The following CEP120 variants were observed in gnomAD, a reference collection of about 807,000 sequenced individuals.
CEP120 encodes centrosomal protein of 120 kDa.
Under a neutral mutation model 126.5 loss-of-function variants are expected in CEP120, and 113 were observed. The ratio of observed to expected loss-of-function variants is 0.89; its 90% CI spans 0.77 to 1.04. CEP120 has a LOEUF of 1.04. Among genes scored for constraint, CEP120 ranks in the 50% least tolerant of loss-of-function variants. The probability of loss-of-function intolerance (pLI) is 0.00; values close to 1 mark genes in which losing one functional copy is unlikely to be tolerated. For missense variants in CEP120, 1,230 were observed against 1,155.7 expected, an observed-to-expected ratio of 1.06 and a Z score of -0.93; for synonymous variants, 400 against 394.3, an observed-to-expected ratio of 1.01 and a Z score of -0.17.
At chr5:123,394,798 A>T (rs979448028) in intron 5 of CEP120, among the ~76,000 whole-genome samples, 3 of 152,258 alleles carry the variant, frequency 2.0e-5, no homozygotes, top group African/African-American at 7.2e-5. Flanking sequence ...AGGAGCACCT[A>T]TGCACTTATA....
chr5:123,357,217 TC>T (rs1769700626), intron 18 of CEP120, among the ~76,000 whole-genome samples: 1 of 152,148 alleles, frequency 6.6e-6, no homozygotes, highest in Non-Finnish European at 1.5e-5. Context: ...TTAAGGTTTT[TC>T]TTTGCTTTTT....
At chr5:123,385,713 C>G (rs1314379537) in intron 10 of CEP120, among the ~76,000 whole-genome samples, 1 of 151,558 alleles carries the variant, frequency 6.6e-6, no homozygotes, top group African/African-American at 2.4e-5. Context: ...ACCTCCTGGG[C>G]TCAAGTGATC....
intron 5 of CEP120, among the ~76,000 whole-genome samples, chr5:123,396,141 T>C (rs1417378719): frequency 2.0e-5 from 3 of 152,144 alleles, no homozygotes; most frequent in African/African-American, 7.2e-5. Flanking sequence ...AGGTAGTACT[T>C]TGATAGCTAA....
chr5:123,400,656 T>C (rs1344478835), intron 4 of CEP120, among the ~76,000 whole-genome samples: 4 of 128,802 alleles, frequency 3.1e-5, no homozygotes, highest in Non-Finnish European at 6.5e-5. Context: ...CATATATATA[T>C]GGCTTTTTTT....
intron 17 of CEP120, among the ~76,000 whole-genome samples, chr5:123,370,326 G>T (rs1407036625): frequency 6.6e-6 from 1 of 151,910 alleles, no homozygotes; most frequent in East Asian, 1.9e-4. Flanking sequence ...TTAAATAAAA[G>T]ATTTTGAAGC....
At chr5:123,368,095 C>CAGT (rs1770595013) in intron 17 of CEP120, among the ~76,000 whole-genome samples, 1 of 151,924 alleles carries the variant, frequency 6.6e-6, no homozygotes, top group South Asian at 2.1e-4. Context: ...GGCAAACTCA[C>CAGT]AGTACTGCTT....
At chr5:123,378,783 A>C (rs2162826) in intron 14 of CEP120, among the ~76,000 whole-genome samples, 36,024 of 151,932 alleles carry the variant, frequency 0.24, 4,313 homozygotes, top group East Asian at 0.33. Context: ...GTAAGCAACT[A>C]AATAGCCAAG....
chr5:123,403,547 A>C, intron 4 of CEP120: 1 of 326,256 alleles, frequency 3.1e-6, no homozygotes, highest in Non-Finnish European at 5.9e-6. Flanking sequence ...GAATATATTC[A>C]TAATTTCACA....
intron 5 of CEP120, among the ~76,000 whole-genome samples, chr5:123,394,055 T>A (rs1434364414): frequency 6.6e-6 from 1 of 152,242 alleles, no homozygotes; most frequent in Non-Finnish European, 1.5e-5. Flanking sequence ...GCTAGTTTCA[T>A]GGCTACATAT....
intron 4 of CEP120, chr5:123,403,178 G>A (rs1562077735): frequency 2.3e-6 from 1 of 426,156 alleles, no homozygotes; most frequent in South Asian, 1.7e-5. Context: ...CTACTGAAAG[G>A]GCCTGGGAAC....
At chr5:123,359,188 T>A (rs1309981630) in intron 18 of CEP120, among the ~76,000 whole-genome samples, 1 of 152,068 alleles carries the variant, frequency 6.6e-6, no homozygotes, top group Admixed American at 6.6e-5. Context: ...TAACTAAATA[T>A]ATCAGCTCAG....
chr5:123,418,365 T>G lies in CEP120; in HGVS notation c.200A>C (p.Gln67Pro). Residue 67 changes from glutamine to proline, a missense_variant, in exon 2 of 20, where the codon CAG (glutamine) becomes CCG (proline). Gln to Pro is a moderately conservative substitution (Grantham distance 76, BLOSUM62 -1). Transcript: ENST00000306467. ...AAATGAAAATGATAATCACCTGTGC[T>G]GATGAAGCGCTTTCCTGTCAATTTC... is the stretch of plus-strand genomic sequence containing the variant. ...AWEIDRKALH[Q>P]HRLQRTPIKL... 1 of 1,599,098 alleles carries G rather than the reference T, an allele frequency of 6.3e-7. No individual in the cohort carries two copies. Among genetic ancestry groups the G allele is most frequent in the Non-Finnish European group, 8.5e-7 (1 of 1,171,598 alleles).
rs1165565582 is a variant in CEP120 at position 123,422,959 on chromosome 5, T to C, written c.40A>G (p.Ile14Val). Reference sequence around the variant, plus strand: ...GCCTCAGGCTGCTCACCTTCTAGGATGGACACGACGATGAGCAATTGGTCG... The same window carrying C: ...GCCTCAGGCTGCTCACCTTCTAGGACGGACACGACGATGAGCAATTGGTCG... ...KSDQLLIVVS[I>V]LEGRHFPKRP... Residue 14 changes from isoleucine to valine, a missense_variant, in exon 1 of 20, where the codon ATC becomes GTC. Physicochemically the swap from Ile to Val is conservative, Grantham distance 29. Coordinates refer to ENST00000306467, the MANE Select transcript of CEP120 (RefSeq NM_001375405.1). 3 of 1,614,128 alleles carry C rather than the reference T, an allele frequency of 1.9e-6. No homozygotes were observed. In the East Asian group the frequency reaches 6.7e-5, roughly 36 times the overall value.
chr5:123,354,185 A>G (rs546346094), intron 18 of CEP120, among the ~76,000 whole-genome samples: 14 of 152,226 alleles, frequency 9.2e-5, no homozygotes, highest in African/African-American at 2.9e-4. Flanking sequence ...TACGAGAAGT[A>G]TACTACTTAA....
chr5:123,353,830 A>G (rs1769375938), intron 18 of CEP120, among the ~76,000 whole-genome samples: 1 of 151,928 alleles, frequency 6.6e-6, no homozygotes. Context: ...ATGGGTAGTT[A>G]CTGTCTATTC....
chr5:123,374,624 T>C (rs1476844786), intron 16 of CEP120, among the ~76,000 whole-genome samples: 4 of 151,950 alleles, frequency 2.6e-5, no homozygotes. Flanking sequence ...ACTAAGAAAA[T>C]ATGTGGCAAA....
intron 9 of CEP120, 88 bp from the exon 10 acceptor site, chr5:123,386,755 A>C (rs996817407): frequency 3.9e-6 from 4 of 1,015,378 alleles, no homozygotes. Context: ...AAAAAGTATA[A>C]TATGAATATT....
intron 17 of CEP120, among the ~76,000 whole-genome samples, chr5:123,365,312 C>G (rs1335585902): frequency 1.3e-5 from 2 of 151,568 alleles, no homozygotes; most frequent in African/African-American, 4.8e-5. Context: ...TGAACTGAAG[C>G]CAACTTGGCT....
At chr5:123,353,020 A>T (rs746128760) in intron 18 of CEP120, among the ~76,000 whole-genome samples, 2 of 151,990 alleles carry the variant, frequency 1.3e-5, no homozygotes, top group African/African-American at 2.4e-5. Flanking sequence ...GTCAATGTAG[A>T]TACTTTTTAG....
Sources: gnomAD v4.1 joint callset for allele counts (sites outside exome capture counted in the v4.1 genomes callset) on GRCh38, gnomAD v4.1.1 for gene constraint, MANE v1.5 for transcripts, NCBI Gene and HGNC (gene_info 2026-07-23, HGNC 2026-07-21) for gene names.